The following EML6 variants were observed in gnomAD, a reference collection of about 807,000 sequenced individuals.
The protein encoded by EML6 is echinoderm microtubule-associated protein-like 6.
A neutral mutation model predicts 240.1 loss-of-function variants in EML6; 154 were observed. The observed-to-expected ratio is 0.64, with a 90% CI of 0.56 to 0.73. The LOEUF (loss-of-function observed/expected upper bound fraction) is 0.73. EML6 is among the 30% of genes least tolerant of loss of function. The probability of loss-of-function intolerance (pLI) is 0.00; values close to 1 mark genes in which losing one functional copy is unlikely to be tolerated. For synonymous variants in EML6, 1,148 were observed against 899.0 expected (o/e 1.28, Z -4.95); for missense variants, 2,964 against 2,474.6 (o/e 1.20, Z -4.20).
At chr2:54,969,986 G>T in intron 41 of EML6, 85 bp from the exon 42 acceptor site, 1 of 1,430,156 alleles carries the variant, frequency 7.0e-7, no homozygotes, top group South Asian at 1.2e-5. Context: ...CTTGACTTTT[G>T]AGCACTTGGC....
intron 2 of EML6, among the ~76,000 whole-genome samples, chr2:54,797,176 A>C (rs913513315): frequency 9.2e-5 from 13 of 141,692 alleles, no homozygotes; most frequent in Admixed American, 5.7e-4. Flanking sequence ...AAAAAAAAAA[A>C]AAAAAAAAAA....
intron 7 of EML6, among the ~76,000 whole-genome samples, chr2:54,832,400 C>G (rs1021463103): frequency 6.6e-6 from 1 of 152,188 alleles, no homozygotes; most frequent in South Asian, 2.1e-4. Flanking sequence ...CAGGGAGAGA[C>G]TCTCAGAACC....
At chr2:54,727,067 C>A (rs1682939385) in intron 2 of EML6, among the ~76,000 whole-genome samples, 1 of 152,110 alleles carries the variant, frequency 6.6e-6, no homozygotes. Flanking sequence ...AGCAGCCGGG[C>A]TAGTGGGATG....
At chr2:54,837,445 C>G (rs1669212352) in intron 7 of EML6, among the ~76,000 whole-genome samples, 1 of 152,186 alleles carries the variant, frequency 6.6e-6, no homozygotes, top group Non-Finnish European at 1.5e-5. Flanking sequence ...AATGCCACCT[C>G]CTAAGCACTC....
intron 28 of EML6, among the ~76,000 whole-genome samples, chr2:54,948,108 G>A (rs1468567365): frequency 6.6e-6 from 1 of 152,146 alleles, no homozygotes; most frequent in Non-Finnish European, 1.5e-5. Context: ...CCCATCCATA[G>A]AGAAATCTGA....
intron 2 of EML6, among the ~76,000 whole-genome samples, chr2:54,726,707 T>A (rs753918896): frequency 7.9e-5 from 12 of 152,208 alleles, no homozygotes; most frequent in Non-Finnish European, 1.3e-4. Flanking sequence ...CTTCTCTAAT[T>A]GCTAGGCTGA....
chr2:54,895,319 A>G lies in EML6; in HGVS notation c.2901A>G (p.Gly967=). 6.4e-7 allele frequency: 1 copy of G among 1,551,922 alleles called. No homozygotes were observed. Among genetic ancestry groups the G allele is most frequent in the Non-Finnish European group, 8.7e-7 (1 of 1,146,940 alleles). Residue 967 remains glycine, a synonymous_variant, in exon 21 of 42, where the codon GGA becomes GGG. Coordinates refer to ENST00000356458, the MANE Select transcript of EML6 (RefSeq NM_001039753.4). ...CTTCAATTCGTGCCATCACTTTGGGACATGGACATATCCTGGTGGGAACAA... is the reference window on the plus strand; with the variant it reads ...CTTCAATTCGTGCCATCACTTTGGGGCATGGACATATCCTGGTGGGAACAA... The part of the protein sequence containing the change: ...DNPSIRAITL[G]HGHILVGTKN...
chr2:54,946,871 GAGAA>G (rs553679585), intron 28 of EML6, among the ~76,000 whole-genome samples: 36 of 151,920 alleles, frequency 2.4e-4, no homozygotes, highest in Non-Finnish European at 4.4e-4. Context: ...CTTGCGAAAT[GAGAA>G]AGAAACATTG....
chr2:54,843,433 T>TA (rs1558601994), intron 7 of EML6, among the ~76,000 whole-genome samples: 1 of 151,702 alleles, frequency 6.6e-6, no homozygotes, highest in Non-Finnish European at 1.5e-5. Flanking sequence ...CTCTAAAAAA[T>TA]AAAAACAAAC....
chr2:54,816,420 C>G (rs1032150403), intron 3 of EML6, among the ~76,000 whole-genome samples: 2 of 152,118 alleles, frequency 1.3e-5, no homozygotes, highest in African/African-American at 4.8e-5. Context: ...ATTCTGGGTT[C>G]TATTAAATCT....
chr2:54,855,462 C>T (rs992542218), intron 11 of EML6, among the ~76,000 whole-genome samples: 9 of 136,428 alleles, frequency 6.6e-5, no homozygotes, highest in Non-Finnish European at 1.1e-4. Flanking sequence ...TACCATGCCC[C>T]CCCCCCGCCC....
intron 13 of EML6, among the ~76,000 whole-genome samples, chr2:54,866,158 T>A (rs1279160268): frequency 6.6e-6 from 1 of 152,230 alleles, no homozygotes; most frequent in Non-Finnish European, 1.5e-5. Context: ...GATGAGAAAT[T>A]ATTACTAGAT....
chr2:54,799,554 AG>A, intron 2 of EML6, among the ~76,000 whole-genome samples: 1 of 152,252 alleles, frequency 6.6e-6, no homozygotes, highest in South Asian at 2.1e-4. Context: ...CATGTTGGCC[AG>A]GATGGTCTCG....
Position 54,921,263 on chromosome 2 carries a change from G to A in EML6, c.3675+4328G>A, listed in dbSNP as rs551914618. On this transcript the variant is annotated intron_variant, in intron 26 of 41. Coordinates refer to ENST00000356458, the MANE Select transcript of EML6 (RefSeq NM_001039753.4). ...ATTAATAAAGTCAGTAAAGTTGTAGGATACAAAGCTAACATATACAATTCA... is the reference window on the plus strand; with the variant it reads ...ATTAATAAAGTCAGTAAAGTTGTAGAATACAAAGCTAACATATACAATTCA... 5.1e-4 allele frequency among the ~76,000 whole-genome samples: 77 copies of A among 152,136 alleles called. 2 individuals are homozygous for A. The Middle Eastern group carries it at 0.017, about 34-fold the overall frequency.
chr2:54,879,341 T>C (rs565790633), intron 16 of EML6, among the ~76,000 whole-genome samples: 1 of 152,342 alleles, frequency 6.6e-6, no homozygotes, highest in South Asian at 2.1e-4. Flanking sequence ...CCTTATGTAT[T>C]AAAATATAAT....
intron 19 of EML6, among the ~76,000 whole-genome samples, chr2:54,893,568 GC>G (rs1573088543): frequency 6.6e-6 from 1 of 152,134 alleles, no homozygotes. Context: ...TTTGGAGGGG[GC>G]TAATATTTAA....
chr2:54,811,194 A>G (rs985025968), intron 2 of EML6, among the ~76,000 whole-genome samples: 5 of 151,918 alleles, frequency 3.3e-5, no homozygotes, highest in African/African-American at 1.2e-4. Context: ...TTACCCCTGC[A>G]TTTCATCACT....
chr2:54,955,289 CAGAG>C (rs1676179252), intron 32 of EML6, among the ~76,000 whole-genome samples: 1 of 152,136 alleles, frequency 6.6e-6, no homozygotes, highest in South Asian at 2.1e-4. Flanking sequence ...AAATGATAGA[CAGAG>C]AGCATCTTGG....
In EML6 at chr2:54,971,138, C is replaced by G. The variant is rs533476369; in HGVS notation, c.*1043C>G. 2.0e-5 allele frequency: 3 copies of G among 152,144 alleles called. No individual in the cohort carries two copies. Among genetic ancestry groups the G allele is most frequent in the African/African-American group, 7.2e-5 (3 of 41,500 alleles). The allele number at this position is 152,144 out of a possible 1,614,324, so 9.4% of individuals were successfully genotyped here. A position where few individuals can be genotyped will look rare whatever the true frequency, so the allele number is the denominator to read the frequency against. On this transcript the variant is annotated 3_prime_UTR_variant, in exon 42 of 42. Transcript: ENST00000356458. Reference sequence around the variant, plus strand: ...GGTGACTTCATTTGATTGCTTCAGGCGAACTATATAGGTCAAGTCCAGATT... The same window carrying G: ...GGTGACTTCATTTGATTGCTTCAGGGGAACTATATAGGTCAAGTCCAGATT...
Sources: allele counts gnomAD v4.1 joint callset (sites outside exome capture counted in the v4.1 genomes callset), GRCh38; gene constraint gnomAD v4.1.1; transcripts MANE v1.5; gene names NCBI Gene and HGNC (gene_info 2026-07-23, HGNC 2026-07-21).